Variants in TIAM2 observed in about 807,000 individuals in gnomAD.
TIAM2 encodes the protein TIAM Rac1 associated GEF 2.
In TIAM2, 80 loss-of-function variants were observed where a neutral mutation model predicts 152.9. The observed-to-expected ratio is 0.52, with a 90% CI of 0.44 to 0.63. The LOEUF is 0.63. TIAM2 is among the 30% of genes least tolerant of loss of function. The pLI, the probability that TIAM2 is intolerant of heterozygous loss-of-function variation, is 0.00. For synonymous variants in TIAM2, 804 were observed against 838.0 expected (o/e 0.96, Z 0.70); for missense variants, 1,965 against 2,120.1 (o/e 0.93, Z 1.44).
At chr6:155,256,142 A>C (rs1263278008) in intron 26 of TIAM2, 2 of 448,388 alleles carry the variant, frequency 4.5e-6, no homozygotes, top group Non-Finnish European at 7.8e-6. Flanking sequence ...AGTGAAAGAA[A>C]GGAGCCTAGA....
At chr6:155,230,848 T>C (rs536735161) in intron 15 of TIAM2, among the ~76,000 whole-genome samples, 1 of 151,828 alleles carries the variant, frequency 6.6e-6, no homozygotes, top group African/African-American at 2.4e-5. Flanking sequence ...TTTTTTTTTT[T>C]TTTGAGATGG....
intron 7 of TIAM2, among the ~76,000 whole-genome samples, chr6:155,154,123 TC>T (rs761281226): frequency 2.0e-4 from 30 of 152,204 alleles, no homozygotes; most frequent in Non-Finnish European, 2.9e-4. Context: ...TCTCTAAACT[TC>T]CTTTTAAAAA....
At chr6:155,238,230 C>A (rs1250481114) in intron 15 of TIAM2, among the ~76,000 whole-genome samples, 1 of 152,232 alleles carries the variant, frequency 6.6e-6, no homozygotes, top group African/African-American at 2.4e-5. Flanking sequence ...CAGCTTTGCT[C>A]CAGTTCCCAA....
chr6:155,046,493 G>A (rs969801438), intron 1 of TIAM2, among the ~76,000 whole-genome samples: 3 of 151,920 alleles, frequency 2.0e-5, no homozygotes, highest in East Asian at 1.9e-4. Flanking sequence ...GTGCCACCAC[G>A]CTGGGCTGAT....
intron 20 of TIAM2, among the ~76,000 whole-genome samples, chr6:155,248,672 C>T (rs545652949): frequency 2.2e-4 from 34 of 152,292 alleles, no homozygotes; most frequent in Admixed American, 5.9e-4. Flanking sequence ...GCTTTCAAGT[C>T]GCTACTGGTG....
At position 155,257,000 on chromosome 6, in the gene TIAM2, A is replaced by G. The variant is rs751308298; in HGVS notation, c.4985A>G (p.Gln1662Arg). Reference sequence around the variant, plus strand: ...ATCCGTCACCAGTCCCTTGACAGTCAGTCTGAAAATGCCACCATCGACCTA... The same window carrying G: ...ATCCGTCACCAGTCCCTTGACAGTCGGTCTGAAAATGCCACCATCGACCTA... The part of the protein sequence containing the change: ...AQIRHQSLDS[Q>R]SENATIDLNS... Residue 1662 changes from glutamine to arginine, a missense_variant, in exon 27 of 27, where the codon CAG (glutamine) becomes CGG (arginine). By Grantham distance (43) the Gln-to-Arg change is conservative. This residue lies in a region of TIAM2 where 935 missense variants were observed against 980.0 expected (regional missense o/e 0.95). Coordinates refer to ENST00000682666, the MANE Select transcript of TIAM2 (RefSeq NM_012454.4). The G allele has an allele frequency of 6.2e-7, 1 of 1,614,222 alleles. No homozygotes were observed. The highest frequency in any genetic ancestry group is 1.1e-5 in the South Asian group (1 of 91,084).
At chr6:155,114,032 A>T (rs1222828908) in intron 2 of TIAM2, among the ~76,000 whole-genome samples, 38 of 43,502 alleles carry the variant, frequency 8.7e-4, no homozygotes, top group African/African-American at 1.6e-3. Context: ...ATATATATAT[A>T]TATATTTTTT....
At position 155,256,248 on chromosome 6, in the gene TIAM2, T is replaced by C. The variant is rs1362200976; in HGVS notation, c.4469-236T>C. 5 of 614,700 alleles carry C rather than the reference T, an allele frequency of 8.1e-6. No homozygotes were observed. The Admixed American group carries it at 1.5e-4, about 19-fold the overall frequency. The allele number at this position is 614,700 out of a possible 1,614,324, so 38.1% of individuals were successfully genotyped here. A position where few individuals can be genotyped will look rare whatever the true frequency, so the allele number is the denominator to read the frequency against. On this transcript the variant is annotated intron_variant, in intron 26 of 26. Coordinates refer to ENST00000682666, the MANE Select transcript of TIAM2 (RefSeq NM_012454.4). ...CTAGTGTCTAGTTCTATTTACATAA[T>C]TGAGCTCTGGTAATCTAAAAATGCT...
At chr6:155,057,107 C>T (rs1311658533) in intron 1 of TIAM2, among the ~76,000 whole-genome samples, 2 of 135,706 alleles carry the variant, frequency 1.5e-5, no homozygotes, top group African/African-American at 5.4e-5. Context: ...CGGTTCACTG[C>T]ATCCTCTGCC....
At chr6:155,185,494 A>T (rs1196539717) in intron 14 of TIAM2, among the ~76,000 whole-genome samples, 1 of 634 alleles carries the variant, frequency 1.6e-3, no homozygotes, top group African/African-American at 9.4e-3. Flanking sequence ...AGCCACTTTT[A>T]TTTATTTATT....
intron 15 of TIAM2, among the ~76,000 whole-genome samples, chr6:155,228,386 C>CCAAT (rs375117901): frequency 3.5e-4 from 54 of 152,186 alleles, no homozygotes; most frequent in African/African-American, 1.3e-3. Flanking sequence ...GCTTTATTGT[C>CCAAT]CAATCATGAA....
intron 6 of TIAM2, among the ~76,000 whole-genome samples, chr6:155,147,201 A>T (rs1413788185): frequency 1.4e-5 from 2 of 141,082 alleles, no homozygotes; most frequent in Non-Finnish European, 3.0e-5. Flanking sequence ...TATTGAGGCC[A>T]TACTGTAGAT....
At chr6:155,059,294 C>CTGTGTGTG (rs56013145) in intron 1 of TIAM2, among the ~76,000 whole-genome samples, 3,917 of 117,262 alleles carry the variant, frequency 0.033, 82 homozygotes, top group Middle Eastern at 0.087. Context: ...GTGTGTGTGT[C>CTGTGTGTG]TGTGTGTGTG....
At chr6:155,221,824 G>T (rs1383080227) in intron 15 of TIAM2, among the ~76,000 whole-genome samples, 1 of 152,160 alleles carries the variant, frequency 6.6e-6, no homozygotes, top group Admixed American at 6.5e-5. Flanking sequence ...TAGAGATGGA[G>T]CTATGGAGAC....
intron 1 of TIAM2, among the ~76,000 whole-genome samples, chr6:155,061,748 G>A (rs535099768): frequency 6.6e-6 from 1 of 152,254 alleles, no homozygotes; most frequent in South Asian, 2.1e-4. Flanking sequence ...TATTTCCAGC[G>A]AAGTTACTTG....
intron 2 of TIAM2, among the ~76,000 whole-genome samples, chr6:155,091,423 G>A (rs1778303195): frequency 6.6e-6 from 1 of 152,172 alleles, no homozygotes; most frequent in Non-Finnish European, 1.5e-5. Context: ...CTGAATGTAT[G>A]AGTTGAACGG....
intron 15 of TIAM2, among the ~76,000 whole-genome samples, chr6:155,231,639 C>CA (rs1053996937): frequency 3.3e-5 from 5 of 152,222 alleles, no homozygotes; most frequent in African/African-American, 1.2e-4. Flanking sequence ...CAGCTTCCCC[C>CA]CAAGCACTAA....
intron 7 of TIAM2, among the ~76,000 whole-genome samples, chr6:155,153,024 A>G (rs1016816527): frequency 5.3e-5 from 8 of 152,236 alleles, no homozygotes; most frequent in African/African-American, 1.9e-4. Context: ...CTGGATGGTC[A>G]GGTGGCCTGA....
intron 2 of TIAM2, among the ~76,000 whole-genome samples, chr6:155,122,447 T>G (rs1273871583): frequency 2.8e-5 from 4 of 140,998 alleles, no homozygotes; most frequent in Non-Finnish European, 4.7e-5. Flanking sequence ...GAAGGCAGGA[T>G]TTTGGGGATT....
Sources: allele counts gnomAD v4.1 joint callset (sites outside exome capture counted in the v4.1 genomes callset), GRCh38; gene constraint gnomAD v4.1.1; regional missense constraint gnomAD v4.1.1; transcripts MANE v1.5; gene names NCBI Gene and HGNC (gene_info 2026-07-23, HGNC 2026-07-21).